SRGAP1: variants seen among roughly 807,000 people sequenced by gnomAD.
SRGAP1 encodes SLIT-ROBO Rho GTPase activating protein 1, also known as SLIT-ROBO Rho GTPase-activating protein 1.
SRGAP1 carries 43 observed loss-of-function variants against 121.9 expected under a neutral mutation model. That is an observed-to-expected ratio of 0.35 (90% CI 0.28 to 0.46). The LOEUF (loss-of-function observed/expected upper bound fraction) is 0.46. Among genes scored for constraint, SRGAP1 ranks in the 20% least tolerant of loss-of-function variants. The pLI is 1.00. For synonymous variants in SRGAP1, 447 were observed against 485.4 expected (o/e 0.92, Z 1.04); for missense variants, 1,102 against 1,350.9 (o/e 0.82, Z 2.89).
intron 8 of SRGAP1, among the ~76,000 whole-genome samples, chr12:64,076,890 G>A (rs756185345): frequency 9.2e-5 from 14 of 151,966 alleles, no homozygotes; most frequent in African/African-American, 2.2e-4. Context: ...GCGATCCACC[G>A]CCTCAGCCTC....
At chr12:63,962,349 T>C (rs567192544) in intron 1 of SRGAP1, among the ~76,000 whole-genome samples, 9 of 152,340 alleles carry the variant, frequency 5.9e-5, no homozygotes, top group African/African-American at 1.2e-4. Context: ...ACTTAAACAG[T>C]GCAGAATTAC....
chr12:64,130,437 G>A (rs1295276861), intron 21 of SRGAP1, among the ~76,000 whole-genome samples: 1 of 152,166 alleles, frequency 6.6e-6, no homozygotes, highest in Non-Finnish European at 1.5e-5. Flanking sequence ...TAGGGATAAT[G>A]ATGAATGGTG....
intron 3 of SRGAP1, among the ~76,000 whole-genome samples, chr12:63,999,502 C>T (rs557058441): frequency 5.9e-5 from 9 of 152,012 alleles, no homozygotes; most frequent in African/African-American, 9.7e-5. Flanking sequence ...CAGGTGGATT[C>T]GAGTGGTGTG....
chr12:64,129,199 A>G (rs1430510822), intron 21 of SRGAP1, among the ~76,000 whole-genome samples: 2 of 152,150 alleles, frequency 1.3e-5, no homozygotes, highest in Admixed American at 6.5e-5. Flanking sequence ...TTTATTAAGT[A>G]TTAACTCACA....
intron 8 of SRGAP1, among the ~76,000 whole-genome samples, chr12:64,074,359 C>G (rs963683058): frequency 6.6e-6 from 1 of 152,146 alleles, no homozygotes; most frequent in Non-Finnish European, 1.5e-5. Flanking sequence ...CCTGTTGATT[C>G]TCAATTAAGT....
At chr12:64,023,028 TA>T (rs2034581925) in intron 4 of SRGAP1, among the ~76,000 whole-genome samples, 1 of 152,106 alleles carries the variant, frequency 6.6e-6, no homozygotes, top group Non-Finnish European at 1.5e-5. Context: ...CATTAGTAGT[TA>T]ATGTTAGCCT....
chr12:64,059,615 C>A (rs535642298), intron 6 of SRGAP1, among the ~76,000 whole-genome samples: 27 of 152,194 alleles, frequency 1.8e-4, no homozygotes, highest in African/African-American at 6.5e-4. Context: ...AAAAAAAGGT[C>A]ATTTCCTTTA....
In SRGAP1 at chr12:64,143,029, G is replaced by GCC. The variant is rs1260182693; in HGVS notation, c.*357_*358insCC. On this transcript the variant is annotated 3_prime_UTR_variant, in exon 22 of 22. Transcript: ENST00000355086. ...TCAGAAAGGTTGTGACCTGAAGGCAGAAGAACCCGAATGCCACACCTCATT... is the reference window on the plus strand; with the variant it reads ...TCAGAAAGGTTGTGACCTGAAGGCAGCCAAGAACCCGAATGCCACACCTCATT... The GCC allele has an allele frequency of 2.4e-4, 54 of 226,172 alleles. 1 individual carries two copies. In the South Asian group the frequency reaches 4.1e-3, roughly 17 times the overall value. 14.0% of individuals were successfully genotyped at this position (226,172 alleles called of 1,614,324 possible). A position where few individuals can be genotyped will look rare whatever the true frequency, so the allele number is the denominator to read the frequency against.
intron 1 of SRGAP1, among the ~76,000 whole-genome samples, chr12:63,853,918 A>G (rs955684084): frequency 7.2e-5 from 11 of 152,112 alleles, no homozygotes; most frequent in Admixed American, 5.2e-4. Flanking sequence ...GGGACAACCA[A>G]ATTTCTCATT....
intron 4 of SRGAP1, among the ~76,000 whole-genome samples, chr12:64,019,017 T>C (rs1308304795): frequency 6.6e-6 from 1 of 152,148 alleles, no homozygotes; most frequent in African/African-American, 2.4e-5. Context: ...TACCTAGAAA[T>C]AGAAATCAGT....
chr12:64,067,128 C>A (rs1309110566), intron 8 of SRGAP1, among the ~76,000 whole-genome samples: 3 of 152,196 alleles, frequency 2.0e-5, no homozygotes, highest in African/African-American at 4.8e-5. Flanking sequence ...ATTCAACTCC[C>A]AGTTCTCTTA....
chr12:64,013,381 T>A (rs919173595), intron 3 of SRGAP1, among the ~76,000 whole-genome samples: 14 of 152,206 alleles, frequency 9.2e-5, no homozygotes, highest in African/African-American at 3.4e-4. Context: ...TGAATTCATG[T>A]TTCACAAATT....
chr12:63,892,883 G>A (rs1900632917), intron 1 of SRGAP1, among the ~76,000 whole-genome samples: 1 of 149,632 alleles, frequency 6.7e-6, no homozygotes. Flanking sequence ...AAACTACTGT[G>A]CTAAAAAAAA....
At chr12:64,044,509 T>C (rs1000511718) in intron 6 of SRGAP1, among the ~76,000 whole-genome samples, 7 of 152,002 alleles carry the variant, frequency 4.6e-5, no homozygotes, top group Non-Finnish European at 8.8e-5. Flanking sequence ...ATAGTAGCCG[T>C]CATAATTTAA....
At chr12:63,967,991 A>G (rs994663590) in intron 1 of SRGAP1, among the ~76,000 whole-genome samples, 14 of 152,238 alleles carry the variant, frequency 9.2e-5, no homozygotes, top group Non-Finnish European at 1.8e-4. Context: ...CTAGGAAACT[A>G]GTGTGAGAAG....
intron 1 of SRGAP1, among the ~76,000 whole-genome samples, chr12:63,966,589 T>C (rs1396080144): frequency 6.6e-6 from 1 of 152,220 alleles, no homozygotes; most frequent in African/African-American, 2.4e-5. Context: ...ATTCTAATTT[T>C]TTTTTTCTAG....
chr12:64,141,777 C>T (rs991665588), intron 21 of SRGAP1, among the ~76,000 whole-genome samples: 1 of 151,944 alleles, frequency 6.6e-6, no homozygotes, highest in Non-Finnish European at 1.5e-5. Context: ...CTAGCAAGAC[C>T]CCATCTCTAC....
intron 1 of SRGAP1, among the ~76,000 whole-genome samples, chr12:63,849,913 A>C (rs1429518239): frequency 6.6e-6 from 1 of 152,204 alleles, no homozygotes; most frequent in African/African-American, 2.4e-5. Context: ...AGGAGATAGA[A>C]CAGTTACCTA....
chr12:64,052,555 C>CAA (rs548163366), intron 6 of SRGAP1, among the ~76,000 whole-genome samples: 3 of 132,586 alleles, frequency 2.3e-5, no homozygotes, highest in African/African-American at 8.4e-5. Context: ...AAGTCAGTCT[C>CAA]AAAAAAAAAA....
Sources: gnomAD v4.1 joint callset for allele counts (sites outside exome capture counted in the v4.1 genomes callset) on GRCh38, gnomAD v4.1.1 for gene constraint, MANE v1.5 for transcripts, NCBI Gene and HGNC (gene_info 2026-07-23, HGNC 2026-07-21) for gene names.